The following AAMP variants were observed in gnomAD, a reference collection of about 807,000 sequenced individuals.
The protein encoded by AAMP is angio associated migratory cell protein, also known as angio-associated migratory cell protein.
AAMP carries 12 observed loss-of-function variants against 51.1 expected under a neutral mutation model. The ratio of observed to expected loss-of-function variants is 0.23; its 90% CI spans 0.15 to 0.38. AAMP has a LOEUF of 0.38. Among genes scored for constraint, AAMP ranks in the 10% least tolerant of loss-of-function variants. The pLI is 1.00. For missense variants in AAMP, 418 were observed against 557.2 expected (o/e 0.75, Z 2.52); for synonymous variants, 210 against 218.7 (o/e 0.96, Z 0.35).
Position 218,267,651 on chromosome 2 carries a change from C to A in AAMP, c.275-38G>T, listed in dbSNP as rs199930953. 1 of 1,613,632 alleles carries A rather than the reference C, an allele frequency of 6.2e-7. No homozygotes were observed. The highest frequency in any genetic ancestry group is 8.5e-7 in the Non-Finnish European group (1 of 1,179,656). ...ATATTCCATGGGTAAGGGGACAGAG[C>A]TCCCACCTAGGGCTCTGTCCTTCAC... On this transcript the variant is annotated intron_variant, in intron 2 of 10. Coordinates refer to ENST00000248450, the MANE Select transcript of AAMP (RefSeq NM_001087.5). The surrounding 1 kb of genome is among the most constrained non-coding windows in gnomAD (Gnocchi z 4.6).
chr2:218,267,118 G>A lies in AAMP; in HGVS notation c.395-132C>T. On this transcript the variant is annotated intron_variant, in intron 3 of 10. Transcript: ENST00000248450. This position sits in a 1 kb window ranked among gnomAD's most constrained non-coding sequence, Gnocchi z 4.6. ...AGAGGGGCGGGACTGAGCAGAACAG[G>A]TGCTGGAACTCACCACCACTCTAGG... 1 of 1,043,266 alleles carries A rather than the reference G, an allele frequency of 9.6e-7. No homozygotes were observed. Among genetic ancestry groups the A allele is most frequent in the Non-Finnish European group, 1.4e-6 (1 of 724,148 alleles). 64.6% of individuals were successfully genotyped at this position (1,043,266 alleles called of 1,614,324 possible).
chr2:218,267,342 G>A lies in AAMP; in HGVS notation c.394+152C>T. On this transcript the variant is annotated intron_variant, in intron 3 of 10. Transcript: ENST00000248450. This position sits in a 1 kb window ranked among gnomAD's most constrained non-coding sequence, Gnocchi z 4.6. ...CTGCCTCTGTGCCCAAAACACACTA[G>A]TATTCGCCCCGTGTCCCTGGGGCCC... is the stretch of plus-strand genomic sequence containing the variant. 8.4e-7 allele frequency: 1 copy of A among 1,191,386 alleles called. No individual in the cohort carries two copies. Among genetic ancestry groups the A allele is most frequent in the East Asian group, 2.4e-5 (1 of 42,542 alleles). The allele number at this position is 1,191,386 out of a possible 1,614,324, so 73.8% of individuals were successfully genotyped here. A position where few individuals can be genotyped will look rare whatever the true frequency, so the allele number is the denominator to read the frequency against.
rs566781473 is a variant in AAMP at position 218,265,790 on chromosome 2, C to G, written c.879+41G>C. 6.3e-7 allele frequency: 1 copy of G among 1,589,034 alleles called. No homozygotes were observed. Among genetic ancestry groups the G allele is most frequent in the African/African-American group, 1.3e-5 (1 of 74,562 alleles). On this transcript the variant is annotated intron_variant, in intron 7 of 10. Transcript: ENST00000248450. This position sits in a 1 kb window ranked among gnomAD's most constrained non-coding sequence, Gnocchi z 6.6. ...AGACCCAGGAAGGAAGGAGAGGAGT[C>G]GGGAAAGCGGAGGCCCCAGCCGGGC... is the stretch of plus-strand genomic sequence containing the variant.
intron 1 of AAMP, 77 bp downstream of exon 1, chr2:218,269,889 G>A (rs1690750388): frequency 3.8e-6 from 6 of 1,596,606 alleles, no homozygotes; most frequent in South Asian, 2.2e-5. Flanking sequence ...GGTGTGGAGG[G>A]GAGCGGGGAA....
Position 218,267,388 on chromosome 2 carries a change from G to A in AAMP, c.394+106C>T. On this transcript the variant is annotated intron_variant, in intron 3 of 10. Coordinates refer to ENST00000248450, the MANE Select transcript of AAMP (RefSeq NM_001087.5). The surrounding 1 kb of genome is among the most constrained non-coding windows in gnomAD (Gnocchi z 4.6). ...GGCCCAGCACAGAGCTGGCACAAAA[G>A]AGATGTCACTAAGTGGCTGTTGGAT... The A allele has an allele frequency of 1.3e-6, 2 of 1,511,592 alleles. No individual in the cohort carries two copies. The highest frequency in any genetic ancestry group is 1.8e-6 in the Non-Finnish European group (2 of 1,105,968). 93.6% of individuals were successfully genotyped at this position (1,511,592 alleles called of 1,614,324 possible).
rs759386451 is a variant in AAMP, at chr2:218,265,985, C to T, written c.764-39G>A. The T allele has an allele frequency of 5.6e-6, 9 of 1,609,414 alleles. No homozygotes were observed. The highest frequency in any genetic ancestry group is 5.5e-5 in the South Asian group (5 of 90,972). On this transcript the variant is annotated intron_variant, in intron 6 of 10. Coordinates refer to ENST00000248450, the MANE Select transcript of AAMP (RefSeq NM_001087.5). This position sits in a 1 kb window ranked among gnomAD's most constrained non-coding sequence, Gnocchi z 6.6. ...GGGAGGCAGCTCAGGCTTCGTCCTA[C>T]CTCCCCTCTGAGTCCTGCCCCAGGT...
rs1690621120 is a variant in AAMP, at chr2:218,266,086, T to C, written c.741A>G (p.Gly247=). Residue 247 remains glycine (G), a synonymous_variant, in exon 6 of 11, where the codon GGA becomes GGG. Coordinates refer to ENST00000248450, the MANE Select transcript of AAMP (RefSeq NM_001087.5). The surrounding 1 kb of genome is among the most constrained non-coding windows in gnomAD (Gnocchi z 4.7). ...GTIRIWDLKQ[G]SPIHVLKGTE... ...TACCTTTCAGTACATGGATAGGGCT[T>C]CCCTGCTTCAGGTCCCAAATCCTGA... 6.2e-7 allele frequency: 1 copy of C among 1,614,144 alleles called. No homozygotes were observed. Among genetic ancestry groups the C allele is most frequent in the Non-Finnish European group, 8.5e-7 (1 of 1,180,012 alleles).
intron 1 of AAMP, 180 bp downstream of exon 1, chr2:218,269,786 G>A: frequency 9.2e-7 from 1 of 1,089,352 alleles, no homozygotes; most frequent in Non-Finnish European, 1.3e-6. Context: ...GGAGGCGTCA[G>A]GGAACCCCCA....
rs755800461 is a variant in AAMP at position 218,265,674 on chromosome 2, A to G, written c.888T>C (p.Gly296=). ...LVSATTGKVV[G]VFRPETVASQ... ...AGGCCACAGTCTCAGGTCTAAAAAC[A>G]CCCACCACCTGAAAGCCAGAGAGGA... The change falls in exon 8 of 11, where the codon GGT becomes GGC. Residue 296 remains glycine, a synonymous_variant. Coordinates refer to ENST00000248450, the MANE Select transcript of AAMP (RefSeq NM_001087.5). The surrounding 1 kb of genome is among the most constrained non-coding windows in gnomAD (Gnocchi z 6.6). 1.2e-6 allele frequency: 2 copies of G among 1,612,752 alleles called. No homozygotes were observed. The highest frequency in any genetic ancestry group is 2.2e-5 in the South Asian group (2 of 91,074).
Position 218,266,147 on chromosome 2 carries a change from C to A in AAMP, c.680G>T (p.Gly227Val). ...PATCGRVLPD[G>V]KRAVVGYEDG... ...TTCATAGCCTACCACAGCTCTCTTC[C>A]CTGAAGAGAGGCACAGATGAAGAGA... The change falls in exon 6 of 11, where the codon GGG becomes GTG. Residue 227 changes from glycine to valine, a missense_variant and splice_region_variant. Gly to Val is a moderately radical substitution (Grantham distance 109). Coordinates refer to ENST00000248450, the MANE Select transcript of AAMP (RefSeq NM_001087.5). The surrounding 1 kb of genome is among the most constrained non-coding windows in gnomAD (Gnocchi z 4.7). 6.2e-7 allele frequency: 1 copy of A among 1,613,086 alleles called. No individual in the cohort carries two copies. The highest frequency in any genetic ancestry group is 8.5e-7 in the Non-Finnish European group (1 of 1,179,064).
rs1690727825 is a variant in AAMP, at chr2:218,269,463, AGCCCTCTTCGTT to A, written c.181_192del (p.Asn61_Gly64del). 6 of 1,614,200 alleles carry A rather than the reference AGCCCTCTTCGTT, an allele frequency of 3.7e-6. No homozygotes were observed. In the Admixed American group the frequency reaches 5.0e-5, roughly 13 times the overall value. On this transcript the variant is annotated inframe_deletion, in exon 2 of 11. Transcript: ENST00000248450. ...ACCCCTTCCTGGGGTTCTAGAACCC[AGCCCTCTTCGTT>A]GCCCTCTTCCTCCTCTTCTTCCTCA... is the stretch of plus-strand genomic sequence containing the variant.
chr2:218,268,589 G>A (rs1287258490), intron 2 of AAMP, among the ~76,000 whole-genome samples: 3 of 150,960 alleles, frequency 2.0e-5, no homozygotes, highest in African/African-American at 2.4e-5. Context: ...TGATCCACCC[G>A]CCTTGGCCTT....
At chr2:218,269,699 A>C in intron 1 of AAMP, 165 bp from the exon 2 acceptor site, 2 of 1,238,094 alleles carry the variant, frequency 1.6e-6, no homozygotes, top group Non-Finnish European at 2.3e-6. Flanking sequence ...ACGGGAGGCC[A>C]CGGCTGGCCA....
At position 218,265,557 on chromosome 2, in the gene AAMP, C is replaced by T; in HGVS notation, c.983+22G>A. On this transcript the variant is annotated intron_variant, in intron 8 of 10. Transcript: ENST00000248450. This position sits in a 1 kb window ranked among gnomAD's most constrained non-coding sequence, Gnocchi z 6.6. The stretch of plus-strand genomic sequence containing the variant: ...CCCAGCCCAGGCCCCTCCCACAAAC[C>T]CCTTTCCCCATCCTCACTCACACAC... 6.2e-7 allele frequency: 1 copy of T among 1,610,740 alleles called. No homozygotes were observed. The highest frequency in any genetic ancestry group is 8.5e-7 in the Non-Finnish European group (1 of 1,177,098).
intron 1 of AAMP, 72 bp downstream of exon 1, chr2:218,269,894 G>C: frequency 6.2e-7 from 1 of 1,600,784 alleles, no homozygotes; most frequent in Non-Finnish European, 8.5e-7. Flanking sequence ...GGAGGGGAGC[G>C]GGGAAAAGCA....
Position 218,264,267 on chromosome 2 carries a change from C to T in AAMP, c.*266G>A. On this transcript the variant is annotated 3_prime_UTR_variant, in exon 11 of 11. Coordinates refer to ENST00000248450, the MANE Select transcript of AAMP (RefSeq NM_001087.5). ...CCACATACAAATACACACCCCATGG[C>T]TCACACCAGCAAATGAAAGTGAAAG... 1 of 526,402 alleles carries T rather than the reference C, an allele frequency of 1.9e-6. No individual in the cohort carries two copies. Among genetic ancestry groups the T allele is most frequent in the East Asian group, 3.1e-5 (1 of 32,330 alleles). The allele number at this position is 526,402 out of a possible 1,614,324, so 32.6% of individuals were successfully genotyped here.
rs774297760 is a variant in AAMP, at chr2:218,266,065, T to G, written c.762A>C (p.Lys254Asn). 1 of 1,614,046 alleles carries G rather than the reference T, an allele frequency of 6.2e-7. No individual in the cohort carries two copies. The highest frequency in any genetic ancestry group is 8.5e-7 in the Non-Finnish European group (1 of 1,179,916). ...LKQGSPIHVL[K>N]GTEGHQGPLT... is the part of the protein sequence containing the mutation. Reference sequence around the variant, plus strand: ...TAACACTTCCCCCACCTCTGATACCTTTCAGTACATGGATAGGGCTTCCCT... The same window carrying G: ...TAACACTTCCCCCACCTCTGATACCGTTCAGTACATGGATAGGGCTTCCCT... The change falls in exon 6 of 11, where the codon AAA (lysine) becomes AAC (asparagine). Residue 254 changes from lysine (K) to asparagine (N), a missense_variant and splice_region_variant. Coordinates refer to ENST00000248450, the MANE Select transcript of AAMP (RefSeq NM_001087.5). This position sits in a 1 kb window ranked among gnomAD's most constrained non-coding sequence, Gnocchi z 4.7.
Position 218,265,625 on chromosome 2 carries a change from C to G in AAMP, c.937G>C (p.Glu313Gln). The G allele has an allele frequency of 1.2e-6, 2 of 1,613,958 alleles. No individual in the cohort carries two copies. Among genetic ancestry groups the G allele is most frequent in the Non-Finnish European group, 8.5e-7 (1 of 1,180,038 alleles). ...VASQPSLGEG[E>Q]ESESNSVESL... Reference sequence around the variant, plus strand: ...TCCACCGAGTTGGACTCACTCTCCTCCCCTTCTCCCAGGCTGGGCTGGGAG... The same window carrying G: ...TCCACCGAGTTGGACTCACTCTCCTGCCCTTCTCCCAGGCTGGGCTGGGAG... Residue 313 changes from glutamate to glutamine, a missense_variant, in exon 8 of 11, where the codon GAG becomes CAG. By Grantham distance (29) the Glu-to-Gln change is conservative. Transcript: ENST00000248450. The surrounding 1 kb of genome is among the most constrained non-coding windows in gnomAD (Gnocchi z 6.6).
Position 218,265,958 on chromosome 2 carries a change from CA to C in AAMP, c.764-13del. On this transcript the variant is annotated splice_polypyrimidine_tract_variant and intron_variant, in intron 6 of 10. Transcript: ENST00000248450. This position sits in a 1 kb window ranked among gnomAD's most constrained non-coding sequence, Gnocchi z 6.6. Reference sequence around the variant, plus strand: ...GTGACCCTCAGTCCCTAGCATAGAGCAGGGAGGCAGCTCAGGCTTCGTCCTA... The same window carrying C: ...GTGACCCTCAGTCCCTAGCATAGAGCGGGAGGCAGCTCAGGCTTCGTCCTA... 6.2e-6 allele frequency: 10 copies of C among 1,610,392 alleles called. No homozygotes were observed. The highest frequency in any genetic ancestry group is 8.5e-6 in the Non-Finnish European group (10 of 1,176,752).
Sources: allele counts gnomAD v4.1 joint callset (sites outside exome capture counted in the v4.1 genomes callset), GRCh38; gene constraint gnomAD v4.1.1; non-coding constraint Gnocchi (gnomAD v3.1); transcripts MANE v1.5; gene names NCBI Gene and HGNC (gene_info 2026-07-23, HGNC 2026-07-21).